The following BMS1 variants were observed in gnomAD, a reference collection of about 807,000 sequenced individuals.
The protein encoded by BMS1 is ribosome biogenesis protein BMS1 homolog.
Under a neutral mutation model 138.7 loss-of-function variants are expected in BMS1, and 53 were observed. That is an observed-to-expected ratio of 0.38 (90% CI 0.31 to 0.48). BMS1 has a LOEUF of 0.48. Among genes scored for constraint, BMS1 ranks in the 20% least tolerant of loss-of-function variants. BMS1 has a pLI of 0.97. For synonymous variants in BMS1, 504 were observed against 539.9 expected (o/e 0.93, Z 0.92); for missense variants, 1,360 against 1,565.5 (o/e 0.87, Z 2.22).
Position 42,831,210 on chromosome 10 carries a change from T to G in BMS1, c.*114T>G. 4 of 1,117,620 alleles carry G rather than the reference T, an allele frequency of 3.6e-6. No individual in the cohort carries two copies. The highest frequency in any genetic ancestry group is 5.0e-6 in the Non-Finnish European group (4 of 794,112). The allele number at this position is 1,117,620 out of a possible 1,614,324, so 69.2% of individuals were successfully genotyped here. A position where few individuals can be genotyped will look rare whatever the true frequency, so the allele number is the denominator to read the frequency against. Reference sequence around the variant, plus strand: ...TGGGAAAGAGCTCAAGAGATGTCTCTACTCAAACTGTGCCTGCAGGAGGAG... The same window carrying G: ...TGGGAAAGAGCTCAAGAGATGTCTCGACTCAAACTGTGCCTGCAGGAGGAG... On this transcript the variant is annotated 3_prime_UTR_variant, in exon 23 of 23. Coordinates refer to ENST00000374518, the MANE Select transcript of BMS1 (RefSeq NM_014753.4).
At chr10:42,793,806 G>A (rs1324979131) in intron 8 of BMS1, 46 bp from the exon 9 acceptor site, 6 of 1,576,280 alleles carry the variant, frequency 3.8e-6, no homozygotes, top group Non-Finnish European at 4.3e-6. Context: ...GTCTCTCCAG[G>A]ATCTTTGTGC....
rs1389393227 is a variant in BMS1 at position 42,834,071 on chromosome 10, T to C, written c.*2975T>C. ...ATTAAACTTTGTAAATTGTAAAAATTATTCTGTTATACCTTTTCTATTTAC... is the reference window on the plus strand; with the variant it reads ...ATTAAACTTTGTAAATTGTAAAAATCATTCTGTTATACCTTTTCTATTTAC... On this transcript the variant is annotated 3_prime_UTR_variant, in exon 23 of 23. Coordinates refer to ENST00000374518, the MANE Select transcript of BMS1 (RefSeq NM_014753.4). 2.6e-5 allele frequency: 4 copies of C among 152,216 alleles called. No individual in the cohort carries two copies. The highest frequency in any genetic ancestry group is 9.7e-5 in the African/African-American group (4 of 41,450). The allele number at this position is 152,216 out of a possible 1,614,324, so 9.4% of individuals were successfully genotyped here. A position where few individuals can be genotyped will look rare whatever the true frequency, so the allele number is the denominator to read the frequency against.
chr10:42,830,367 A>G lies in BMS1; in HGVS notation c.3563A>G (p.Lys1188Arg). Residue 1188 changes from lysine to arginine, a missense_variant, in exon 22 of 23, where the codon AAG becomes AGG. Lys to Arg is a conservative substitution (Grantham distance 26). Coordinates refer to ENST00000374518, the MANE Select transcript of BMS1 (RefSeq NM_014753.4). ...NKPKTQAKAG[K>R]VPKDRRRPAV... ...CCCAAGACCCAAGCAAAGGCAGGCA[A>G]GGTGCCAAAGGACAGGCGGAGACCG... 4 of 1,613,800 alleles carry G rather than the reference A, an allele frequency of 2.5e-6. No homozygotes were observed. Among genetic ancestry groups the G allele is most frequent in the Non-Finnish European group, 3.4e-6 (4 of 1,179,956 alleles).
chr10:42,810,462 T>C (rs1343676305), intron 13 of BMS1, among the ~76,000 whole-genome samples: 6 of 152,168 alleles, frequency 3.9e-5, no homozygotes. Flanking sequence ...TGTTTTTTCT[T>C]TTTGTGGTGG....
In BMS1 at chr10:42,831,228, A is replaced by G. The variant is rs1842794079; in HGVS notation, c.*132A>G. The G allele has an allele frequency of 1.0e-6, 1 of 979,570 alleles. No individual in the cohort carries two copies. Among genetic ancestry groups the G allele is most frequent in the Non-Finnish European group, 1.5e-6 (1 of 671,178 alleles). 60.7% of individuals were successfully genotyped at this position (979,570 alleles called of 1,614,324 possible). ...ATGTCTCTACTCAAACTGTGCCTGCAGGAGGAGGAACAGAGAAGCCTGGGC... is the reference window on the plus strand; with the variant it reads ...ATGTCTCTACTCAAACTGTGCCTGCGGGAGGAGGAACAGAGAAGCCTGGGC... On this transcript the variant is annotated 3_prime_UTR_variant, in exon 23 of 23. Transcript: ENST00000374518.
rs138200976 is a variant in BMS1 at position 42,797,454 on chromosome 10, A to G, written c.2020A>G (p.Lys674Glu). 8.3e-5 allele frequency: 134 copies of G among 1,614,238 alleles called. No individual in the cohort carries two copies. In the African/African-American group the frequency reaches 1.6e-3, roughly 20 times the overall value. The stretch of plus-strand genomic sequence containing the variant: ...CAAGTGGAAGGAAGACCTTTCCAGA[A>G]AGGCAGCTGAGGCCTTTCTGAGGCA... ...ALKWKEDLSR[K>E]AAEAFLRQQQ... The change falls in exon 11 of 23, where the codon AAG becomes GAG. Residue 674 changes from lysine (K) to glutamate (E), a missense_variant. This residue lies in a region of BMS1 where 697 missense variants were observed against 686.2 expected (regional missense o/e 1.02). Transcript: ENST00000374518.
At position 42,790,431 on chromosome 10, in the gene BMS1, C is replaced by T; in HGVS notation, c.556C>T (p.Leu186Phe). 1 of 1,613,926 alleles carries T rather than the reference C, an allele frequency of 6.2e-7. No individual in the cohort carries two copies. Among genetic ancestry groups the T allele is most frequent in the South Asian group, 1.1e-5 (1 of 91,068 alleles). Reference sequence around the variant, plus strand: ...TAAAATTATGGGAGTTCTCACCCACCTCGACTCCTTCAAGCATAATAAGCA... The same window carrying T: ...TAAAATTATGGGAGTTCTCACCCACTTCGACTCCTTCAAGCATAATAAGCA... ...FPKIMGVLTHLDSFKHNKQLK... is the reference protein window; with the variant it reads ...FPKIMGVLTHFDSFKHNKQLK... Residue 186 changes from leucine (L) to phenylalanine (F), a missense_variant, in exon 5 of 23, where the codon CTC becomes TTC. Physicochemically the swap from Leu to Phe is conservative, Grantham distance 22. Around this residue, in one of 3 missense-constraint regions of BMS1, gnomAD observed 238 missense variants for 311.1 expected, o/e 0.77. Transcript: ENST00000374518.
At chr10:42,786,082 A>G (rs1296462909) in intron 3 of BMS1, among the ~76,000 whole-genome samples, 1 of 152,096 alleles carries the variant, frequency 6.6e-6, no homozygotes, top group Admixed American at 6.5e-5. Context: ...GATAATGTTC[A>G]CTATGTCTTA....
intron 3 of BMS1, among the ~76,000 whole-genome samples, chr10:42,786,767 T>C (rs1424216461): frequency 6.6e-6 from 1 of 152,136 alleles, no homozygotes; most frequent in East Asian, 1.9e-4. Context: ...AATTTAGAAG[T>C]AATTATTGTT....
intron 8 of BMS1, among the ~76,000 whole-genome samples, chr10:42,793,502 T>G (rs787799): frequency 2.0e-5 from 3 of 152,020 alleles, no homozygotes; most frequent in African/African-American, 7.2e-5. Context: ...TATTTTAAAG[T>G]GGATTTCAAA....
At chr10:42,788,744 C>T (rs1176254873) in intron 4 of BMS1, among the ~76,000 whole-genome samples, 1 of 152,206 alleles carries the variant, frequency 6.6e-6, no homozygotes, top group Non-Finnish European at 1.5e-5. Context: ...AGTACTCTAA[C>T]TGTAATGCAG....
Position 42,785,545 on chromosome 10 carries a change from CCCA to C in BMS1, c.244_246del (p.Pro82del). 6.2e-7 allele frequency: 1 copy of C among 1,613,676 alleles called. No homozygotes were observed. The highest frequency in any genetic ancestry group is 1.1e-5 in the South Asian group (1 of 91,046). Reference sequence around the variant, plus strand: ...TGGTTGATCGAACTCCACTAGAGCCCCCACCAATAGTGGTAGTGGTGATGGGAC... The same window carrying C: ...TGGTTGATCGAACTCCACTAGAGCCCCCAATAGTGGTAGTGGTGATGGGAC... On this transcript the variant is annotated inframe_deletion, in exon 3 of 23. Transcript: ENST00000374518.
chr10:42,787,061 G>A (rs1448876021), intron 3 of BMS1, 107 bp from the exon 4 acceptor site: 2 of 828,034 alleles, frequency 2.4e-6, no homozygotes, highest in Non-Finnish European at 4.1e-6. Context: ...TCCTGTAAAT[G>A]TATATGATGT....
Position 42,798,538 on chromosome 10 carries a change from G to T in BMS1, c.2160G>T (p.Gln720His). The change falls in exon 12 of 23, where the codon CAG (glutamine) becomes CAT (histidine). Residue 720 changes from glutamine to histidine, a missense_variant. Gln to His is a conservative substitution (Grantham distance 24, BLOSUM62 0). Around this residue, in one of 3 missense-constraint regions of BMS1, gnomAD observed 697 missense variants for 686.2 expected, o/e 1.02. Transcript: ENST00000374518. ...EELGGLFRVN[Q>H]PDRECKHKAD... Reference sequence around the variant, plus strand: ...TTGGAGGGTTGTTTCGTGTCAACCAGCCTGACAGAGAGTGTAAGCACAAGG... The same window carrying T: ...TTGGAGGGTTGTTTCGTGTCAACCATCCTGACAGAGAGTGTAAGCACAAGG... 6.2e-7 allele frequency: 1 copy of T among 1,614,250 alleles called. No individual in the cohort carries two copies. Among genetic ancestry groups the T allele is most frequent in the Non-Finnish European group, 8.5e-7 (1 of 1,180,054 alleles).
chr10:42,830,101 A>G (rs1164465902), intron 21 of BMS1, among the ~76,000 whole-genome samples, 160 bp from the exon 22 acceptor site: 1 of 152,122 alleles, frequency 6.6e-6, no homozygotes, highest in Non-Finnish European at 1.5e-5. Context: ...GAGGCAGTTC[A>G]TATTTGGCAG....
intron 18 of BMS1, among the ~76,000 whole-genome samples, chr10:42,821,849 G>C (rs1272215208): frequency 6.6e-6 from 1 of 152,208 alleles, no homozygotes; most frequent in Admixed American, 6.5e-5. Flanking sequence ...CACTGTGCTC[G>C]GCCTCAAGTC....
rs1174538599 is a variant in BMS1 at position 42,831,840 on chromosome 10, A to T, written c.*744A>T. The T allele has an allele frequency of 6.6e-6, 1 of 152,210 alleles. No individual in the cohort carries two copies. The highest frequency in any genetic ancestry group is 6.5e-5 in the Admixed American group (1 of 15,282). The allele number at this position is 152,210 out of a possible 1,614,324, so 9.4% of individuals were successfully genotyped here. On this transcript the variant is annotated 3_prime_UTR_variant, in exon 23 of 23. Coordinates refer to ENST00000374518, the MANE Select transcript of BMS1 (RefSeq NM_014753.4). ...GCTCATGCGTTATACCTGCCTAGCT[A>T]CATTGCCTTTTTTTAAATTAAACAT...
Position 42,822,315 on chromosome 10 carries a change from G to C in BMS1, c.3132+131G>C, listed in dbSNP as rs534588864. The C allele has an allele frequency of 4.4e-4, 245 of 561,928 alleles. 1 individual carries two copies. In the African/African-American group the frequency reaches 4.4e-3, roughly 10 times the overall value. The allele number at this position is 561,928 out of a possible 1,614,324, so 34.8% of individuals were successfully genotyped here. A position where few individuals can be genotyped will look rare whatever the true frequency, so the allele number is the denominator to read the frequency against. On this transcript the variant is annotated intron_variant, in intron 19 of 22. Transcript: ENST00000374518. ...AAATCTTTTATAAACTTCATATTTT[G>C]TTTGCTCCTTTATATTCTGTGTTAC...
At chr10:42,820,798 C>A in intron 17 of BMS1, 110 bp downstream of exon 17, 1 of 1,410,092 alleles carries the variant, frequency 7.1e-7, no homozygotes, top group African/African-American at 1.4e-5. Flanking sequence ...AGATTTTTCT[C>A]TTTTCTGGGA....
Sources: allele counts gnomAD v4.1 joint callset (sites outside exome capture counted in the v4.1 genomes callset), GRCh38; gene constraint gnomAD v4.1.1; regional missense constraint gnomAD v4.1.1; transcripts MANE v1.5; gene names NCBI Gene and HGNC (gene_info 2026-07-23, HGNC 2026-07-21).